Variants in RPL36 observed in about 807,000 individuals in gnomAD.
RPL36 encodes ribosomal protein L36, also known as large ribosomal subunit protein eL36.
For synonymous variants in RPL36, 74 were observed against 56.0 expected (o/e 1.32, Z -1.44); for missense variants, 131 against 144.9 (o/e 0.90, Z 0.49).
At position 5,691,871 on chromosome 19, in the gene RPL36, C is replaced by G. The variant is rs1237532393; in HGVS notation, c.*250C>G. On this transcript the variant is annotated 3_prime_UTR_variant, in exon 4 of 4. Transcript: ENST00000347512. ...CTTTAATCATTAAATAGCTTCTATG[C>G]CACACTCTGATTAAGCCGACTGAGG... The G allele has an allele frequency of 2.4e-6, 2 of 849,604 alleles. No individual in the cohort carries two copies. Among genetic ancestry groups the G allele is most frequent in the African/African-American group, 3.4e-5 (2 of 59,158 alleles). 52.6% of individuals were successfully genotyped at this position (849,604 alleles called of 1,614,324 possible). A position where few individuals can be genotyped will look rare whatever the true frequency, so the allele number is the denominator to read the frequency against.
At chr19:5,691,126 G>A in intron 2 of RPL36, 193 bp from the exon 3 acceptor site, 1 of 731,222 alleles carries the variant, frequency 1.4e-6, no homozygotes, top group Non-Finnish European at 2.3e-6. Context: ...TGCCAGTGTT[G>A]CGGAGACTGG....
Position 5,690,532 on chromosome 19 carries a change from G to T in RPL36, c.25G>T (p.Val9Leu). Residue 9 changes from valine to leucine, a missense_variant, in exon 2 of 4, where the codon GTG becomes TTG. Physicochemically the swap from Val to Leu is conservative, Grantham distance 32. Transcript: ENST00000347512. ...CATGGCCCTACGCTACCCTATGGCC[G>T]TGGGCCTCAACAAGGGCCACAAAGT... Reference protein sequence around the residue: MALRYPMAVGLNKGHKVTK... With the variant: MALRYPMALGLNKGHKVTK... 1 of 1,564,966 alleles carries T rather than the reference G, an allele frequency of 6.4e-7. No homozygotes were observed. The highest frequency in any genetic ancestry group is 8.7e-7 in the Non-Finnish European group (1 of 1,155,288).
intron 2 of RPL36, 73 bp from the exon 3 acceptor site, chr19:5,691,246 G>A (rs2054813997): frequency 1.9e-6 from 3 of 1,603,060 alleles, no homozygotes; most frequent in South Asian, 2.2e-5. Context: ...GGAAATCGCG[G>A]CAGCGCGAGA....
chr19:5,691,032 C>G, intron 2 of RPL36: 1 of 557,526 alleles, frequency 1.8e-6, no homozygotes. Context: ...CCCGAGGTTG[C>G]GGTGTGTGAG....
At chr19:5,690,678 C>G in intron 2 of RPL36, 78 bp downstream of exon 2, 2 of 1,195,122 alleles carry the variant, frequency 1.7e-6, no homozygotes, top group East Asian at 2.6e-5. Flanking sequence ...AGGCTCTCGA[C>G]CTGAAAGAAC....
chr19:5,691,423 C>T lies in RPL36; in HGVS notation c.198C>T (p.Asp66=). ...TGGAGTTACTGAAGGTCTCCAAGGA[C>T]AAACGGGCCCTCAAATTTATCAAGA... ...RAMELLKVSK[D]KRALKFIKKR... Residue 66 remains aspartate, a synonymous_variant, in exon 3 of 4, where the codon GAC becomes GAT. Transcript: ENST00000347512. 6.2e-7 allele frequency: 1 copy of T among 1,613,830 alleles called. No individual in the cohort carries two copies. The highest frequency in any genetic ancestry group is 8.5e-7 in the Non-Finnish European group (1 of 1,179,912).
rs752454538 is a variant in RPL36, at chr19:5,691,315, C to G, written c.94-4C>G. 3 of 1,612,382 alleles carry G rather than the reference C, an allele frequency of 1.9e-6. No homozygotes were observed. The African/African-American group carries it at 4.0e-5, about 22-fold the overall frequency. ...ACCCTGACGGCCGCCCCTTTCCCCCCTAGCGTCTGACCAAACACACCAAGT... is the reference window on the plus strand; with the variant it reads ...ACCCTGACGGCCGCCCCTTTCCCCCGTAGCGTCTGACCAAACACACCAAGT... On this transcript the variant is annotated splice_polypyrimidine_tract_variant and splice_region_variant and intron_variant, in intron 2 of 3. Coordinates refer to ENST00000347512, the MANE Select transcript of RPL36 (RefSeq NM_033643.3).
At chr19:5,691,176 AGC>A in intron 2 of RPL36, 141 bp from the exon 3 acceptor site, 2 of 1,244,782 alleles carry the variant, frequency 1.6e-6, no homozygotes, top group South Asian at 2.6e-5. Flanking sequence ...CGCGGCGAAA[AGC>A]GCTAGGCGTT....
Position 5,691,516 on chromosome 19 carries a change from G to A in RPL36, c.229-16G>A. On this transcript the variant is annotated splice_polypyrimidine_tract_variant and intron_variant, in intron 3 of 3. Transcript: ENST00000347512. The stretch of plus-strand genomic sequence containing the variant: ...GGGAGTCAGGGCCGGGCTGACGGCG[G>A]CCTCGTCCCTGGCAGGTGGGGACGC... The A allele has an allele frequency of 6.2e-7, 1 of 1,609,050 alleles. No individual in the cohort carries two copies. The highest frequency in any genetic ancestry group is 8.5e-7 in the Non-Finnish European group (1 of 1,176,770).
Position 5,691,344 on chromosome 19 carries a change from T to C in RPL36, c.119T>C (p.Val40Ala). 5 of 1,613,000 alleles carry C rather than the reference T, an allele frequency of 3.1e-6. No individual in the cohort carries two copies. The highest frequency in any genetic ancestry group is 2.2e-5 in the South Asian group (2 of 91,026). The change falls in exon 3 of 4, where the codon GTG (valine) becomes GCG (alanine). Residue 40 changes from valine (V) to alanine (A), a missense_variant. Transcript: ENST00000347512. Reference protein sequence around the residue: ...RGRLTKHTKFVRDMIREVCGF... With the variant: ...RGRLTKHTKFARDMIREVCGF... ...CGTCTGACCAAACACACCAAGTTCG[T>C]GCGGGACATGATTCGGGAGGTGTGT...
chr19:5,691,106 A>G, intron 2 of RPL36: 2 of 655,908 alleles, frequency 3.0e-6, no homozygotes, highest in South Asian at 3.7e-5. Context: ...CCCAGACTCC[A>G]GGTGCGTCCT....
intron 2 of RPL36, 196 bp from the exon 3 acceptor site, chr19:5,691,123 G>A (rs1006759096): frequency 4.2e-6 from 3 of 717,198 alleles, no homozygotes; most frequent in Non-Finnish European, 7.0e-6. Context: ...TCCTGCCAGT[G>A]TTGCGGAGAC....
intron 2 of RPL36, chr19:5,690,874 AGT>A: frequency 1.7e-6 from 1 of 573,204 alleles, no homozygotes; most frequent in Non-Finnish European, 3.1e-6. Flanking sequence ...CTGACGCAGG[AGT>A]AGGAGTTCGC....
chr19:5,690,794 C>T (rs1244280078), intron 2 of RPL36, 194 bp downstream of exon 2: 1 of 625,402 alleles, frequency 1.6e-6, no homozygotes, highest in Non-Finnish European at 2.9e-6. Flanking sequence ...TGGGTTTTTC[C>T]CAACCGTGCA....
At chr19:5,690,688 C>A in intron 2 of RPL36, 88 bp downstream of exon 2, 1 of 1,109,162 alleles carries the variant, frequency 9.0e-7, no homozygotes, top group Non-Finnish European at 1.3e-6. Context: ...CCTGAAAGAA[C>A]GCGCGTTCGG....
intron 2 of RPL36, 164 bp from the exon 3 acceptor site, chr19:5,691,155 G>A: frequency 3.2e-6 from 3 of 934,012 alleles, no homozygotes; most frequent in Admixed American, 2.1e-5. Context: ...GAGGATGGGA[G>A]CTGCTCCGGG....
Position 5,691,769 on chromosome 19 carries a change from CT to C in RPL36, c.*149del, listed in dbSNP as rs2054825300. ...GAGCCACACCCTCTCCGGGTGCTGCCTGGTCGTGAATCAAAAGCCGTGGCCC... is the reference window on the plus strand; with the variant it reads ...GAGCCACACCCTCTCCGGGTGCTGCCGGTCGTGAATCAAAAGCCGTGGCCC... On this transcript the variant is annotated 3_prime_UTR_variant, in exon 4 of 4. Transcript: ENST00000347512. The C allele has an allele frequency of 1.0e-6, 1 of 1,001,376 alleles. No homozygotes were observed. Among genetic ancestry groups the C allele is most frequent in the African/African-American group, 1.6e-5 (1 of 62,686 alleles). The allele number at this position is 1,001,376 out of a possible 1,614,324, so 62.0% of individuals were successfully genotyped here.
chr19:5,690,895 C>A, intron 2 of RPL36: 1 of 557,838 alleles, frequency 1.8e-6, no homozygotes, highest in Non-Finnish European at 3.2e-6. Flanking sequence ...GCTCATGGAG[C>A]TGGCCCGAGG....
chr19:5,691,188 T>G (rs2054813132), intron 2 of RPL36, 131 bp from the exon 3 acceptor site: 1 of 1,381,570 alleles, frequency 7.2e-7, no homozygotes, highest in African/African-American at 1.4e-5. Flanking sequence ...CGCTAGGCGT[T>G]AATACCTTGG....
Sources: allele counts gnomAD v4.1 joint callset, GRCh38; gene constraint gnomAD v4.1.1; transcripts MANE v1.5; gene names NCBI Gene and HGNC (gene_info 2026-07-23, HGNC 2026-07-21).